TNPO2: variants seen among roughly 807,000 people sequenced by gnomAD.
TNPO2 encodes the protein transportin 2.
Under a neutral mutation model 111.1 loss-of-function variants are expected in TNPO2, and 16 were observed. That is an observed-to-expected ratio of 0.14 (90% confidence interval 0.10 to 0.22). The LOEUF is 0.22. Among genes scored for constraint, TNPO2 ranks in the 10% least tolerant of loss-of-function variants. TNPO2 has a pLI of 1.00. For synonymous variants in TNPO2, 481 were observed against 475.8 expected (o/e 1.01, Z -0.14); for missense variants, 530 against 1,173.7 (o/e 0.45, Z 8.01).
chr19:12,712,306 C>T (rs1051683216), intron 10 of TNPO2, among the ~76,000 whole-genome samples: 2 of 152,206 alleles, frequency 1.3e-5, no homozygotes, highest in Admixed American at 6.5e-5. Flanking sequence ...AGGAACAACA[C>T]CCGCTACTTA....
rs887137724 is a variant in TNPO2, at chr19:12,700,313, T to C, written c.*951A>G. ...GTTTCAGAAGCACAGAGAAACGGAC[T>C]GCCCCTGAAGCTGCTTACAGAGAGA... On this transcript the variant is annotated 3_prime_UTR_variant, in exon 26 of 26. Transcript: ENST00000425528. 2.6e-5 allele frequency: 4 copies of C among 152,200 alleles called. No individual in the cohort carries two copies. Among genetic ancestry groups the C allele is most frequent in the Admixed American group, 6.5e-5 (1 of 15,270 alleles). 9.4% of individuals were successfully genotyped at this position (152,200 alleles called of 1,614,324 possible). A position where few individuals can be genotyped will look rare whatever the true frequency, so the allele number is the denominator to read the frequency against.
chr19:12,703,747 T>C lies in TNPO2; in HGVS notation c.2077A>G (p.Lys693Glu). Residue 693 changes from lysine (K) to glutamate (E), a missense_variant, in exon 19 of 26, where the codon AAA becomes GAA. By Grantham distance (56) the Lys-to-Glu change is moderately conservative. Transcript: ENST00000425528. Reference protein sequence around the residue: ...SSFALLGDLTKACFIHVKPCI... With the variant: ...SSFALLGDLTEACFIHVKPCI... ...GGCTTGACATGGATGAAGCAGGCTT[T>C]GGTGAGGTCTCCCAGGAGGGCAAAG... 1 of 1,607,496 alleles carries C rather than the reference T, an allele frequency of 6.2e-7. No homozygotes were observed. The highest frequency in any genetic ancestry group is 8.5e-7 in the Non-Finnish European group (1 of 1,176,962).
At position 12,703,451 on chromosome 19, in the gene TNPO2, A is replaced by G. The variant is rs374137187; in HGVS notation, c.2186T>C (p.Ile729Thr). Reference sequence around the variant, plus strand: ...ACCCATCTGCATGCAGATTTCACCAATGGCCCAGGTGGCGTTGTTGCAGAC... The same window carrying G: ...ACCCATCTGCATGCAGATTTCACCAGTGGCCCAGGTGGCGTTGTTGCAGAC... The part of the protein sequence containing the change: ...ISVCNNATWA[I>T]GEICMQMGAE... Residue 729 changes from isoleucine to threonine, a missense_variant, in exon 20 of 26, where the codon ATT (isoleucine) becomes ACT (threonine). Coordinates refer to ENST00000425528, the MANE Select transcript of TNPO2 (RefSeq NM_001382241.1). 6.2e-7 allele frequency: 1 copy of G among 1,613,838 alleles called. No homozygotes were observed. Among genetic ancestry groups the G allele is most frequent in the Non-Finnish European group, 8.5e-7 (1 of 1,179,834 alleles).
chr19:12,702,673 C>T lies in TNPO2; in HGVS notation c.2305+150G>A, dbSNP rs897815317. 6 of 712,108 alleles carry T rather than the reference C, an allele frequency of 8.4e-6. No individual in the cohort carries two copies. In the African/African-American group the frequency reaches 8.9e-5, roughly 11 times the overall value. 44.1% of individuals were successfully genotyped at this position (712,108 alleles called of 1,614,324 possible). On this transcript the variant is annotated intron_variant, in intron 21 of 25. Coordinates refer to ENST00000425528, the MANE Select transcript of TNPO2 (RefSeq NM_001382241.1). This position sits in a 1 kb window ranked among gnomAD's most constrained non-coding sequence, Gnocchi z 5.5. Reference sequence around the variant, plus strand: ...GCACCCAGCCTGAGGCTGCATCTTTCTTGGGGCTTCTCCCAGTGACCCCTT... The same window carrying T: ...GCACCCAGCCTGAGGCTGCATCTTTTTTGGGGCTTCTCCCAGTGACCCCTT...
chr19:12,702,965 AG>A lies in TNPO2; in HGVS notation c.2210-48del. On this transcript the variant is annotated intron_variant, in intron 20 of 25. Transcript: ENST00000425528. This position sits in a 1 kb window ranked among gnomAD's most constrained non-coding sequence, Gnocchi z 5.5. ...GCCCTGCACAGCCCCCGCCACCCAC[AG>A]GGGCCAGGGGGCCGCCCCACCTCAC... is the stretch of plus-strand genomic sequence containing the variant. 1 of 1,558,854 alleles carries A rather than the reference AG, an allele frequency of 6.4e-7. No individual in the cohort carries two copies. The highest frequency in any genetic ancestry group is 2.2e-5 in the East Asian group (1 of 44,450).
intron 12 of TNPO2, 38 bp from the exon 13 acceptor site, chr19:12,710,811 C>A: frequency 6.4e-7 from 1 of 1,568,274 alleles, no homozygotes; most frequent in Admixed American, 2.0e-5. Context: ...TCAGGGCGGC[C>A]CCTCAGGCAG....
intron 12 of TNPO2, 83 bp downstream of exon 12, chr19:12,711,213 C>T: frequency 6.5e-7 from 1 of 1,543,524 alleles, no homozygotes; most frequent in Non-Finnish European, 8.8e-7. Flanking sequence ...TTCTAATCAG[C>T]TTCTGCCTCA....
intron 10 of TNPO2, among the ~76,000 whole-genome samples, chr19:12,712,310 C>A (rs1389798723): frequency 1.3e-5 from 2 of 152,218 alleles, no homozygotes; most frequent in African/African-American, 4.8e-5. Flanking sequence ...ACAACACCCG[C>A]TACTTAGCAG....
At position 12,721,185 on chromosome 19, in the gene TNPO2, C is replaced by T. The variant is rs1966908673; in HGVS notation, c.-13-195G>A. 1 of 1,385,198 alleles carries T rather than the reference C, an allele frequency of 7.2e-7. No homozygotes were observed. The highest frequency in any genetic ancestry group is 9.3e-7 in the Non-Finnish European group (1 of 1,076,566). 85.8% of individuals were successfully genotyped at this position (1,385,198 alleles called of 1,614,324 possible). On this transcript the variant is annotated intron_variant, in intron 2 of 25. Coordinates refer to ENST00000425528, the MANE Select transcript of TNPO2 (RefSeq NM_001382241.1). This position sits in a 1 kb window ranked among gnomAD's most constrained non-coding sequence, Gnocchi z 4.9. ...ATCCTCGGCCGCGCAGTCGCGGGCTCGGGAGCGCGGGAGGGGGGATGTGGA... is the reference window on the plus strand; with the variant it reads ...ATCCTCGGCCGCGCAGTCGCGGGCTTGGGAGCGCGGGAGGGGGGATGTGGA...
Position 12,701,589 on chromosome 19 carries a change from G to A in TNPO2, c.2586+9C>T. On this transcript the variant is annotated intron_variant, in intron 24 of 25. Coordinates refer to ENST00000425528, the MANE Select transcript of TNPO2 (RefSeq NM_001382241.1). This position sits in a 1 kb window ranked among gnomAD's most constrained non-coding sequence, Gnocchi z 5.0. ...CCGGAACTAGATCAGGGCCCAGACA[G>A]AGCCTCACCTTATAAAACATGTCCC... 6.2e-7 allele frequency: 1 copy of A among 1,613,736 alleles called. No homozygotes were observed. The highest frequency in any genetic ancestry group is 8.5e-7 in the Non-Finnish European group (1 of 1,179,806).
intron 13 of TNPO2, among the ~76,000 whole-genome samples, chr19:12,709,253 T>C (rs937800621): frequency 1.3e-5 from 2 of 151,534 alleles, no homozygotes; most frequent in African/African-American, 4.9e-5. Context: ...TCCCAGCTAC[T>C]CAGGAGGCTG....
In TNPO2 at chr19:12,701,948, G is replaced by C. The variant is rs2145445583; in HGVS notation, c.2412-97C>G. ...GGATCAGTGAGTGGGCCTGGGACAT[G>C]CATCTGTGGGGGTGGGGCAGGGCAG... On this transcript the variant is annotated intron_variant, in intron 22 of 25. Coordinates refer to ENST00000425528, the MANE Select transcript of TNPO2 (RefSeq NM_001382241.1). The surrounding 1 kb of genome is among the most constrained non-coding windows in gnomAD (Gnocchi z 5.0). The C allele has an allele frequency of 7.2e-7, 1 of 1,388,510 alleles. No individual in the cohort carries two copies. Among genetic ancestry groups the C allele is most frequent in the South Asian group, 1.2e-5 (1 of 86,104 alleles). The allele number at this position is 1,388,510 out of a possible 1,614,324, so 86.0% of individuals were successfully genotyped here.
intron 9 of TNPO2, 46 bp from the exon 10 acceptor site, chr19:12,714,985 C>T (rs2026282322): frequency 1.3e-6 from 2 of 1,591,344 alleles, no homozygotes; most frequent in Non-Finnish European, 8.5e-7. Context: ...CTGGGGGTGG[C>T]TCCCTGACCC....
At position 12,706,607 on chromosome 19, in the gene TNPO2, G is replaced by A; in HGVS notation, c.1459C>T (p.Leu487=). ...PLMTELLKRI[L]DGNKRVQEAA... ...TCCTGTACCCTCTTGTTGCCATCCA[G>A]GATGCGTTTGAGCAGCTCTGTCATC... is the stretch of plus-strand genomic sequence containing the variant. The change falls in exon 14 of 26, where the codon CTG becomes TTG. Residue 487 remains leucine, a synonymous_variant. Transcript: ENST00000425528. The surrounding 1 kb of genome is among the most constrained non-coding windows in gnomAD (Gnocchi z 7.0). 1 of 1,614,116 alleles carries A rather than the reference G, an allele frequency of 6.2e-7. No homozygotes were observed. Among genetic ancestry groups the A allele is most frequent in the Non-Finnish European group, 8.5e-7 (1 of 1,179,978 alleles).
At position 12,721,364 on chromosome 19, in the gene TNPO2, C is replaced by T; in HGVS notation, c.-13-374G>A. The T allele has an allele frequency of 8.3e-7, 1 of 1,209,378 alleles. No homozygotes were observed. Among genetic ancestry groups the T allele is most frequent in the South Asian group, 1.3e-5 (1 of 77,616 alleles). The allele number at this position is 1,209,378 out of a possible 1,614,324, so 74.9% of individuals were successfully genotyped here. A position where few individuals can be genotyped will look rare whatever the true frequency, so the allele number is the denominator to read the frequency against. ...CGGCTGGGCGAGGGCCCAGCCGCCT[C>T]CACATCCAGGGGCCCCGCCCCAGAC... On this transcript the variant is annotated intron_variant, in intron 2 of 25. Coordinates refer to ENST00000425528, the MANE Select transcript of TNPO2 (RefSeq NM_001382241.1). This position sits in a 1 kb window ranked among gnomAD's most constrained non-coding sequence, Gnocchi z 4.9.
At position 12,723,289 on chromosome 19, in the gene TNPO2, A is replaced by G. The variant is rs993575099; in HGVS notation, c.-54T>C. On this transcript the variant is annotated 5_prime_UTR_variant, in exon 2 of 26. Transcript: ENST00000425528. Reference sequence around the variant, plus strand: ...GTGGAACAGCGCAGGAAATTCTGGCAAGGGCAGGGTCATGAAGAAAGAAAT... The same window carrying G: ...GTGGAACAGCGCAGGAAATTCTGGCGAGGGCAGGGTCATGAAGAAAGAAAT... 1.3e-5 allele frequency: 2 copies of G among 152,224 alleles called. No homozygotes were observed. The highest frequency in any genetic ancestry group is 4.8e-5 in the African/African-American group (2 of 41,458). 9.4% of individuals were successfully genotyped at this position (152,224 alleles called of 1,614,324 possible).
In TNPO2 at chr19:12,715,007, C is replaced by A. The variant is rs767022937; in HGVS notation, c.771+40G>T. 1 of 1,578,328 alleles carries A rather than the reference C, an allele frequency of 6.3e-7. No homozygotes were observed. Among genetic ancestry groups the A allele is most frequent in the South Asian group, 1.2e-5 (1 of 86,188 alleles). ...TGGCTCCCTGACCCCTGCCACCGGCCCCCTGCCTGCCCGCCTGGGCTGGCC... is the reference window on the plus strand; with the variant it reads ...TGGCTCCCTGACCCCTGCCACCGGCACCCTGCCTGCCCGCCTGGGCTGGCC... On this transcript the variant is annotated intron_variant, in intron 9 of 25. Transcript: ENST00000425528. The surrounding 1 kb of genome is among the most constrained non-coding windows in gnomAD (Gnocchi z 7.1).
Position 12,701,884 on chromosome 19 carries a change from G to A in TNPO2, c.2412-33C>T, listed in dbSNP as rs1343522898. 3 of 1,576,522 alleles carry A rather than the reference G, an allele frequency of 1.9e-6. No homozygotes were observed. The highest frequency in any genetic ancestry group is 1.1e-5 in the South Asian group (1 of 90,332). ...AAGGTGAGCAGCTGGAGGTCAGAGG[G>A]CAGGCTGGGCATGCATCTGTGGAGG... On this transcript the variant is annotated intron_variant, in intron 22 of 25. Transcript: ENST00000425528. The surrounding 1 kb of genome is among the most constrained non-coding windows in gnomAD (Gnocchi z 5.0).
At position 12,711,542 on chromosome 19, in the gene TNPO2, C is replaced by A. The variant is rs768995167; in HGVS notation, c.951+11G>T. The A allele has an allele frequency of 4.2e-5, 67 of 1,613,794 alleles. No individual in the cohort carries two copies. Among genetic ancestry groups the A allele is most frequent in the Non-Finnish European group, 5.1e-6 (6 of 1,179,858 alleles). On this transcript the variant is annotated intron_variant, in intron 11 of 25. Coordinates refer to ENST00000425528, the MANE Select transcript of TNPO2 (RefSeq NM_001382241.1). ...CCCATGCCCACCCATGCTGGGTGGG[C>A]CCTGCCTGACCTTGAGCAGGATGAT... is the stretch of plus-strand genomic sequence containing the variant.
Sources: gnomAD v4.1 joint callset for allele counts (sites outside exome capture counted in the v4.1 genomes callset) on GRCh38, gnomAD v4.1.1 for gene constraint, Gnocchi (gnomAD v3.1) non-coding constraint, MANE v1.5 for transcripts, NCBI Gene and HGNC (gene_info 2026-07-23, HGNC 2026-07-21) for gene names.